Variants in TRDN observed in about 807,000 individuals in gnomAD.
TRDN encodes triadin, also known as triadin in skeletal muscle.
Under a neutral mutation model 149.7 loss-of-function variants are expected in TRDN, and 161 were observed. The ratio of observed to expected loss-of-function variants is 1.08; its 90% CI spans 0.95 to 1.23. TRDN has a LOEUF of 1.23. TRDN is among the 50% of genes most tolerant of loss of function. TRDN has a pLI of 0.00. For missense variants in TRDN, 896 were observed against 823.5 expected, an observed-to-expected ratio of 1.09 and a Z score of -1.08; for synonymous variants, 294 against 250.5, an observed-to-expected ratio of 1.17 and a Z score of -1.64.
intron 2 of TRDN, among the ~76,000 whole-genome samples, chr6:123,552,258 A>G (rs191420999): frequency 6.6e-6 from 1 of 152,248 alleles, no homozygotes; most frequent in African/African-American, 2.4e-5. Flanking sequence ...AAGAGTGCCA[A>G]GAGAGACAAG....
At chr6:123,529,715 A>G (rs1056461533) in intron 5 of TRDN, among the ~76,000 whole-genome samples, 1 of 151,948 alleles carries the variant, frequency 6.6e-6, no homozygotes, top group Admixed American at 6.6e-5. Flanking sequence ...AAATTATCTC[A>G]TTTTCTGTCT....
chr6:123,348,069 T>C (rs1780323995), intron 21 of TRDN, among the ~76,000 whole-genome samples: 1 of 152,080 alleles, frequency 6.6e-6, no homozygotes, highest in African/African-American at 2.4e-5. Context: ...GGAAATAATT[T>C]TTCCTTTTTT....
At chr6:123,486,777 A>G (rs1399737116) in intron 9 of TRDN, among the ~76,000 whole-genome samples, 1 of 151,948 alleles carries the variant, frequency 6.6e-6, no homozygotes, top group Non-Finnish European at 1.5e-5. Flanking sequence ...GGTACCATAC[A>G]TATTTTGTTT....
chr6:123,375,564 T>C, intron 19 of TRDN, 41 bp downstream of exon 19: 2 of 1,506,462 alleles, frequency 1.3e-6, no homozygotes, highest in Non-Finnish European at 1.8e-6. Flanking sequence ...ATGAGTAAGC[T>C]GCCCAAATAT....
At chr6:123,424,266 G>A (rs2114551338) in intron 12 of TRDN, among the ~76,000 whole-genome samples, 1 of 152,182 alleles carries the variant, frequency 6.6e-6, no homozygotes, top group South Asian at 2.1e-4. Context: ...ACTCCTTCCT[G>A]CCTAACTGCC....
intron 24 of TRDN, among the ~76,000 whole-genome samples, chr6:123,289,637 A>C (rs1777928958): frequency 6.6e-6 from 1 of 152,030 alleles, no homozygotes; most frequent in African/African-American, 2.4e-5. Flanking sequence ...AGTGATTACA[A>C]CCCCTTTCAT....
chr6:123,528,468 C>T (rs1214584956), intron 5 of TRDN, among the ~76,000 whole-genome samples: 2 of 151,926 alleles, frequency 1.3e-5, no homozygotes, highest in Non-Finnish European at 2.9e-5. Flanking sequence ...AACACACCAG[C>T]TTGAGCATAA....
At chr6:123,224,156 A>T in intron 38 of TRDN, 25 bp from the exon 39 acceptor site, 1 of 1,606,286 alleles carries the variant, frequency 6.2e-7, no homozygotes, top group Non-Finnish European at 8.5e-7. Context: ...AAAGGCACAT[A>T]GAATCACAGT....
chr6:123,503,069 T>C (rs1778767990), intron 8 of TRDN: 1 of 985,282 alleles, frequency 1.0e-6, no homozygotes, highest in Non-Finnish European at 1.2e-6. Context: ...TTTTGCAAAG[T>C]GGGGATGTAA....
intron 1 of TRDN, among the ~76,000 whole-genome samples, chr6:123,626,707 G>A (rs1785689123): frequency 6.6e-6 from 1 of 151,612 alleles, no homozygotes; most frequent in South Asian, 2.1e-4. Flanking sequence ...ATTTTTTATT[G>A]TTCAATTCCC....
chr6:123,221,552 AC>A, intron 39 of TRDN, 30 bp from the exon 40 acceptor site: 1 of 1,452,610 alleles, frequency 6.9e-7, no homozygotes, highest in South Asian at 1.2e-5. Flanking sequence ...AAAGTAAATA[AC>A]TTGTACATTT....
chr6:123,483,072 AT>A (rs1398977735), intron 9 of TRDN, among the ~76,000 whole-genome samples: 17 of 37,014 alleles, frequency 4.6e-4, no homozygotes, highest in Admixed American at 3.1e-4. Flanking sequence ...CTCATTTATT[AT>A]TATTATTATT....
intron 12 of TRDN, among the ~76,000 whole-genome samples, chr6:123,413,575 C>G (rs1773529264): frequency 1.3e-5 from 2 of 152,040 alleles, no homozygotes; most frequent in African/African-American, 4.8e-5. Context: ...GACTTCATAG[C>G]CTGATAAAAG....
chr6:123,493,823 T>G (rs1385877552), intron 9 of TRDN, among the ~76,000 whole-genome samples: 1 of 152,160 alleles, frequency 6.6e-6, no homozygotes, highest in Non-Finnish European at 1.5e-5. Flanking sequence ...TAAATTAATA[T>G]GCCCAGATTA....
chr6:123,535,466 CCT>C (rs1248095819), intron 4 of TRDN, among the ~76,000 whole-genome samples: 1 of 152,084 alleles, frequency 6.6e-6, no homozygotes, highest in Non-Finnish European at 1.5e-5. Context: ...AGTAGTATCT[CCT>C]CTTAGATCCT....
intron 38 of TRDN, among the ~76,000 whole-genome samples, chr6:123,245,992 G>A (rs1010145753): frequency 2.0e-5 from 3 of 152,100 alleles, no homozygotes; most frequent in Non-Finnish European, 2.9e-5. Flanking sequence ...TGACTACTGG[G>A]TACATAAAGA....
In TRDN at chr6:123,393,676, C is replaced by G; in HGVS notation, c.1053G>C (p.Glu351Asp). ...KETAIDVEKK[E>D]PGKASETKQG... The stretch of plus-strand genomic sequence containing the variant: ...GTTTGGTTTCAGAAGCTTTTCCCGG[C>G]TCTTGGAATGAAAAAAACATAAATT... Residue 351 changes from glutamate to aspartate, a missense_variant and splice_region_variant, in exon 13 of 41, where the codon GAG (glutamate) becomes GAC (aspartate). Physicochemically the swap from Glu to Asp is conservative, Grantham distance 45. Transcript: ENST00000334268. 2 of 1,603,866 alleles carry G rather than the reference C, an allele frequency of 1.2e-6. No individual in the cohort carries two copies. The highest frequency in any genetic ancestry group is 8.5e-7 in the Non-Finnish European group (1 of 1,174,326).
At chr6:123,607,615 G>A (rs1784582463) in intron 1 of TRDN, among the ~76,000 whole-genome samples, 1 of 152,140 alleles carries the variant, frequency 6.6e-6, no homozygotes, top group East Asian at 1.9e-4. Flanking sequence ...GCTGCAGCAA[G>A]ATTTTGTTTT....
chr6:123,265,205 C>G (rs2114598245), intron 33 of TRDN, 113 bp downstream of exon 33: 2 of 779,532 alleles, frequency 2.6e-6, no homozygotes, highest in Middle Eastern at 3.2e-4. Flanking sequence ...AGTATAATGG[C>G]TATTACATTA....
Sources: allele counts gnomAD v4.1 joint callset (sites outside exome capture counted in the v4.1 genomes callset), GRCh38; gene constraint gnomAD v4.1.1; transcripts MANE v1.5; gene names NCBI Gene and HGNC (gene_info 2026-07-23, HGNC 2026-07-21).